UTRN: variants seen among roughly 807,000 people sequenced by gnomAD.
UTRN encodes dystrophin-related protein 1.
Under a neutral mutation model 463.9 loss-of-function variants are expected in UTRN, and 283 were observed. The ratio of observed to expected loss-of-function variants is 0.61; its 90% CI spans 0.55 to 0.67. The LOEUF (loss-of-function observed/expected upper bound fraction) is 0.67. Ranked by LOEUF, UTRN falls within the 30% of genes least tolerant of loss-of-function variation. UTRN has a pLI of 0.00. For synonymous variants in UTRN, 1,442 were observed against 1,431.5 expected (o/e 1.01, Z -0.17); for missense variants, 3,922 against 4,084.3 (o/e 0.96, Z 1.08).
chr6:144,839,787 C>A (rs1030348689), intron 72 of UTRN, among the ~76,000 whole-genome samples: 2 of 152,128 alleles, frequency 1.3e-5, no homozygotes, highest in African/African-American at 4.8e-5. Context: ...ACAATGGGGA[C>A]CTGTCACTGA....
chr6:144,729,365 A>G (rs1249006631), intron 53 of UTRN, among the ~76,000 whole-genome samples: 1 of 152,208 alleles, frequency 6.6e-6, no homozygotes, highest in Admixed American at 6.5e-5. Context: ...TAGCATCTCA[A>G]CATAGTGATG....
At chr6:144,702,578 A>G (rs1469539535) in intron 53 of UTRN, among the ~76,000 whole-genome samples, 1 of 152,204 alleles carries the variant, frequency 6.6e-6, no homozygotes, top group Non-Finnish European at 1.5e-5. Flanking sequence ...CAAGGTCAAG[A>G]AGATACAGGA....
chr6:144,717,359 T>C (rs1786578725), intron 53 of UTRN, among the ~76,000 whole-genome samples: 1 of 152,228 alleles, frequency 6.6e-6, no homozygotes, highest in African/African-American at 2.4e-5. Flanking sequence ...CCATGGCTTG[T>C]TAAACACATT....
intron 25 of UTRN, among the ~76,000 whole-genome samples, chr6:144,476,226 T>A (rs1438408217): frequency 6.6e-6 from 1 of 151,054 alleles, no homozygotes; most frequent in Non-Finnish European, 1.5e-5. Context: ...AGCGTGGAGA[T>A]CACAGGCATG....
chr6:144,668,246 A>G lies in UTRN; in HGVS notation c.7480-10160A>G, dbSNP rs138006671. 5.9e-4 allele frequency among the ~76,000 whole-genome samples: 90 copies of G among 152,276 alleles called. 2 individuals are homozygous for G. In the East Asian group the frequency reaches 6.0e-3, roughly 10 times the overall value. Reference sequence around the variant, plus strand: ...ATGCTGATTGGAGTAGTGAGGTGCAAAAGGCCCTTCCTTGGGTGTTTCTGG... The same window carrying G: ...ATGCTGATTGGAGTAGTGAGGTGCAGAAGGCCCTTCCTTGGGTGTTTCTGG... On this transcript the variant is annotated intron_variant, in intron 51 of 74. Transcript: ENST00000367545.
chr6:144,623,346 C>T (rs1017128255), intron 51 of UTRN, among the ~76,000 whole-genome samples: 1 of 152,096 alleles, frequency 6.6e-6, no homozygotes, highest in African/African-American at 2.4e-5. Flanking sequence ...TAAAATACAC[C>T]TTTAATTCAC....
intron 52 of UTRN, among the ~76,000 whole-genome samples, chr6:144,680,986 C>A (rs1782139785): frequency 6.6e-6 from 1 of 152,130 alleles, no homozygotes; most frequent in South Asian, 2.1e-4. Context: ...GAATTGGGAG[C>A]CTTTTGAGTA....
At chr6:144,699,449 AATAAT>A (rs1463983973) in intron 52 of UTRN, among the ~76,000 whole-genome samples, 1 of 115,832 alleles carries the variant, frequency 8.6e-6, no homozygotes, top group African/African-American at 3.2e-5. Flanking sequence ...CAAAAAAAAA[AATAAT>A]AATAATAATT....
intron 52 of UTRN, among the ~76,000 whole-genome samples, chr6:144,692,689 G>A (rs1465123124): frequency 6.6e-6 from 1 of 152,020 alleles, no homozygotes; most frequent in Non-Finnish European, 1.5e-5. Flanking sequence ...CTGCATATAT[G>A]TCTTCTTTTG....
chr6:144,616,014 C>T (rs537458934), intron 51 of UTRN, among the ~76,000 whole-genome samples: 13 of 152,240 alleles, frequency 8.5e-5, no homozygotes, highest in Admixed American at 2.0e-4. Context: ...CTTCCTTGTA[C>T]ATACCAAGCC....
chr6:144,436,924 A>T (rs1488655990), intron 10 of UTRN, among the ~76,000 whole-genome samples: 1 of 145,222 alleles, frequency 6.9e-6, no homozygotes, highest in African/African-American at 2.5e-5. Context: ...TTATATATGT[A>T]TATGTATATG....
intron 51 of UTRN, among the ~76,000 whole-genome samples, chr6:144,615,564 G>A (rs1012133849): frequency 6.6e-5 from 10 of 152,070 alleles, no homozygotes; most frequent in African/African-American, 2.2e-4. Flanking sequence ...AACACTCTAA[G>A]TCACGCTTGA....
At chr6:144,777,688 C>T (rs1305167025) in intron 60 of UTRN, among the ~76,000 whole-genome samples, 3 of 152,052 alleles carry the variant, frequency 2.0e-5, no homozygotes, top group Admixed American at 6.6e-5. Flanking sequence ...AAGTATGTTC[C>T]GAGGAGGGGG....
At chr6:144,288,756 CTTT>C (rs1197688763) in intron 1 of UTRN, among the ~76,000 whole-genome samples, 2 of 132,246 alleles carry the variant, frequency 1.5e-5, no homozygotes, top group Admixed American at 7.6e-5. Flanking sequence ...CTCTCTCTCT[CTTT>C]TTTTTTTTTT....
chr6:144,480,067 C>T (rs1205640426), intron 26 of UTRN, 85 bp downstream of exon 26: 2 of 1,466,450 alleles, frequency 1.4e-6, no homozygotes, highest in Non-Finnish European at 1.8e-6. Context: ...GTCTATCTGT[C>T]AAACACTATG....
At chr6:144,480,866 T>A (rs1188133813) in intron 26 of UTRN, among the ~76,000 whole-genome samples, 1 of 152,232 alleles carries the variant, frequency 6.6e-6, no homozygotes, top group East Asian at 1.9e-4. Flanking sequence ...ATGACATTCA[T>A]ACATTATTAT....
chr6:144,359,351 A>G (rs1032433395), intron 2 of UTRN, among the ~76,000 whole-genome samples: 1 of 152,240 alleles, frequency 6.6e-6, no homozygotes. Context: ...GATATAAGTC[A>G]GTAGAACAGC....
At chr6:144,299,565 G>A (rs920887449) in intron 2 of UTRN, among the ~76,000 whole-genome samples, 1 of 151,936 alleles carries the variant, frequency 6.6e-6, no homozygotes, top group Non-Finnish European at 1.5e-5. Flanking sequence ...ACCAGAAGAT[G>A]ATACCAATAT....
intron 74 of UTRN, among the ~76,000 whole-genome samples, chr6:144,850,580 C>G (rs1782406988): frequency 6.6e-6 from 1 of 152,150 alleles, no homozygotes; most frequent in Non-Finnish European, 1.5e-5. Flanking sequence ...TTGCCTTCCT[C>G]TTCTCTGGAC....
Sources: allele counts gnomAD v4.1 joint callset (sites outside exome capture counted in the v4.1 genomes callset), GRCh38; gene constraint gnomAD v4.1.1; transcripts MANE v1.5; gene names NCBI Gene and HGNC (gene_info 2026-07-23, HGNC 2026-07-21).